The following ZNF174 variants were observed in gnomAD, a reference collection of about 807,000 sequenced individuals.
ZNF174 encodes AW-1.
ZNF174 carries 30 observed loss-of-function variants against 38.7 expected under a neutral mutation model. The observed-to-expected ratio is 0.78, with a 90% CI of 0.58 to 1.05. The LOEUF is 1.05. Ranked by LOEUF, ZNF174 falls within the 50% of genes least tolerant of loss-of-function variation. The pLI is 0.00. For missense variants in ZNF174, 499 were observed against 495.6 expected (o/e 1.01, Z -0.06); for synonymous variants, 201 against 181.7 (o/e 1.11, Z -0.86).
chr16:3,404,915 T>TAAG (rs1317815355), intron 2 of ZNF174: 4 of 1,613,990 alleles, frequency 2.5e-6, no homozygotes, highest in Non-Finnish European at 2.5e-6. Context: ...TCAGAACTTC[T>TAAG]TATAGAAAAG....
intron 1 of ZNF174, 87 bp from the exon 2 acceptor site, chr16:3,404,339 A>G (rs2034018428): frequency 7.3e-7 from 1 of 1,362,118 alleles, no homozygotes; most frequent in South Asian, 1.5e-5. Flanking sequence ...AGCAATTCCC[A>G]AGGTAAACGG....
Position 3,409,147 on chromosome 16 carries a change from A to T in ZNF174, c.*228A>T. 1 of 549,822 alleles carries T rather than the reference A, an allele frequency of 1.8e-6. No individual in the cohort carries two copies. The highest frequency in any genetic ancestry group is 3.2e-6 in the Non-Finnish European group (1 of 309,812). 34.1% of individuals were successfully genotyped at this position (549,822 alleles called of 1,614,324 possible). On this transcript the variant is annotated 3_prime_UTR_variant, in exon 3 of 3. Coordinates refer to ENST00000268655, the MANE Select transcript of ZNF174 (RefSeq NM_003450.3). ...CAGGTCTGGGCACTGGGGCAAAGAG[A>T]ACTTAAGTCTCTGCAGAGAGCAAGG...
chr16:3,408,273 T>G (rs749953649), intron 2 of ZNF174, 48 bp from the exon 3 acceptor site: 1 of 1,509,358 alleles, frequency 6.6e-7, no homozygotes, highest in East Asian at 2.3e-5. Context: ...CTTGCTGAAG[T>G]TATTTCTTCC....
Position 3,408,581 on chromosome 16 carries a change from G to A in ZNF174, c.886G>A (p.Glu296Lys), listed in dbSNP as rs1448123445. 1.2e-6 allele frequency: 2 copies of A among 1,614,080 alleles called. No individual in the cohort carries two copies. Among genetic ancestry groups the A allele is most frequent in the Non-Finnish European group, 1.7e-6 (2 of 1,180,050 alleles). Residue 296 changes from glutamate (E) to lysine (K), a missense_variant, in exon 3 of 3, where the codon GAG (glutamate) becomes AAG (lysine). Physicochemically the swap from Glu to Lys is moderately conservative, Grantham distance 56 (BLOSUM62 1). Coordinates refer to ENST00000268655, the MANE Select transcript of ZNF174 (RefSeq NM_003450.3). ...SSPLKSHPLR[E>K]LKKSKGGKRS... is the part of the protein sequence containing the mutation. ...CCCCCTAAAAAGCCACCCACTGAGA[G>A]AGCTAAAGAAAAGCAAAGGAGGTAA...
At chr16:3,405,670 C>CAAA (rs2034045262) in intron 2 of ZNF174, among the ~76,000 whole-genome samples, 1 of 152,202 alleles carries the variant, frequency 6.6e-6, no homozygotes, top group South Asian at 2.1e-4. Flanking sequence ...CCACAGTCTA[C>CAAA]TTTTTGTCTC....
chr16:3,402,169 A>G lies in ZNF174; in HGVS notation c.165A>G (p.Gln55=), dbSNP rs751119205. 18 of 1,612,952 alleles carry G rather than the reference A, an allele frequency of 1.1e-5. No individual in the cohort carries two copies. In the Admixed American group the frequency reaches 2.8e-4, roughly 25 times the overall value. The change falls in exon 1 of 3, where the codon CAA becomes CAG. Residue 55 remains glutamine, a synonymous_variant. Transcript: ENST00000268655. ...AGAGCTTCAGACGCTTTTGTTATCA[A>G]GAGGTGTCTGGACCCCAAGAGGCTC... The part of the protein sequence containing the change: ...CRQSFRRFCY[Q]EVSGPQEALS...
chr16:3,406,751 C>T (rs569367299), intron 2 of ZNF174, among the ~76,000 whole-genome samples: 32 of 152,230 alleles, frequency 2.1e-4, no homozygotes, highest in Admixed American at 7.2e-4. Flanking sequence ...TGTCCTTTGA[C>T]GCACACGTTT....
chr16:3,405,512 C>G (rs1009542198), intron 2 of ZNF174, among the ~76,000 whole-genome samples: 4 of 152,146 alleles, frequency 2.6e-5, no homozygotes, highest in African/African-American at 9.7e-5. Flanking sequence ...CCGTGGGGCT[C>G]TTTCATGAAG....
At chr16:3,406,005 C>T (rs910403794) in intron 2 of ZNF174, among the ~76,000 whole-genome samples, 2 of 152,190 alleles carry the variant, frequency 1.3e-5, no homozygotes, top group African/African-American at 2.4e-5. Context: ...AAGACCCTGT[C>T]TCAAAAATAA....
At chr16:3,407,132 T>C (rs2034067248) in intron 2 of ZNF174, among the ~76,000 whole-genome samples, 1 of 152,198 alleles carries the variant, frequency 6.6e-6, no homozygotes, top group Non-Finnish European at 1.5e-5. Flanking sequence ...GCAGATTTGG[T>C]GTCTGGCGAG....
intron 2 of ZNF174, among the ~76,000 whole-genome samples, chr16:3,407,633 G>T (rs771971073): frequency 1.3e-5 from 2 of 152,180 alleles, no homozygotes; most frequent in African/African-American, 4.8e-5. Flanking sequence ...GTGCATGCAC[G>T]TGTGCACACA....
At chr16:3,402,449 TTTTC>T in intron 1 of ZNF174, 43 bp downstream of exon 1, 3 of 1,457,100 alleles carry the variant, frequency 2.1e-6, no homozygotes, top group Non-Finnish European at 2.7e-6. Flanking sequence ...TTTCTTTTTC[TTTTC>T]TTTTTTTTTT....
intron 1 of ZNF174, among the ~76,000 whole-genome samples, chr16:3,402,845 T>C (rs2033974539): frequency 6.6e-6 from 1 of 152,174 alleles, no homozygotes; most frequent in Non-Finnish European, 1.5e-5. Context: ...CAGAAGTTGC[T>C]TCCAGCCTCT....
intron 2 of ZNF174, among the ~76,000 whole-genome samples, chr16:3,405,798 GGAGTTC>G (rs1429509953): frequency 6.6e-6 from 1 of 152,182 alleles, no homozygotes; most frequent in Non-Finnish European, 1.5e-5. Flanking sequence ...CTTAGGCTCA[GGAGTTC>G]GAGACCAGCC....
At chr16:3,405,377 A>C (rs561993873) in intron 2 of ZNF174, among the ~76,000 whole-genome samples, 155 of 152,354 alleles carry the variant, frequency 1.0e-3, no homozygotes, top group African/African-American at 3.7e-3. Context: ...TATTTCTCAC[A>C]GTTCTAGAGG....
chr16:3,404,669 C>T, intron 2 of ZNF174, 21 bp downstream of exon 2: 1 of 1,613,306 alleles, frequency 6.2e-7, no homozygotes, highest in Non-Finnish European at 8.5e-7. Flanking sequence ...TGCCTTTTCT[C>T]TCCCTCTCAT....
rs781061184 is a variant in ZNF174 at position 3,408,313 on chromosome 16, A to C, written c.626-8A>C. The C allele has an allele frequency of 6.4e-7, 1 of 1,558,382 alleles. No homozygotes were observed. Among genetic ancestry groups the C allele is most frequent in the Admixed American group, 2.1e-5 (1 of 47,892 alleles). On this transcript the variant is annotated splice_polypyrimidine_tract_variant and splice_region_variant and intron_variant, in intron 2 of 2. Coordinates refer to ENST00000268655, the MANE Select transcript of ZNF174 (RefSeq NM_003450.3). ...GCAGAAAATGAAGCATTTTCTTTCT[A>C]ATTATAGAGGCCCCCAGAATGAGAA...
intron 2 of ZNF174, among the ~76,000 whole-genome samples, chr16:3,406,307 G>A (rs142154439): frequency 2.6e-5 from 4 of 152,276 alleles, no homozygotes; most frequent in Non-Finnish European, 5.9e-5. Context: ...TATATACCTA[G>A]GAGTGGAATT....
chr16:3,408,565 A>G lies in ZNF174; in HGVS notation c.870A>G (p.Lys290=). 6.2e-7 allele frequency: 1 copy of G among 1,614,174 alleles called. No homozygotes were observed. Among genetic ancestry groups the G allele is most frequent in the Non-Finnish European group, 8.5e-7 (1 of 1,180,040 alleles). ...TGGAATACATCAGCAGCCCCCTAAA[A>G]AGCCACCCACTGAGAGAGCTAAAGA... ...CRVEYISSPL[K]SHPLRELKKS... is the part of the protein sequence containing the mutation. Residue 290 remains lysine (K), a synonymous_variant, in exon 3 of 3, where the codon AAA becomes AAG. Transcript: ENST00000268655.
Sources: allele counts gnomAD v4.1 joint callset (sites outside exome capture counted in the v4.1 genomes callset), GRCh38; gene constraint gnomAD v4.1.1; transcripts MANE v1.5; gene names NCBI Gene and HGNC (gene_info 2026-07-23, HGNC 2026-07-21).